Variants in MYH11 observed in about 807,000 individuals in gnomAD.
MYH11 encodes myosin-11.
MYH11 carries 80 observed loss-of-function variants against 246.6 expected under a neutral mutation model. That is an observed-to-expected ratio of 0.32 (90% CI 0.27 to 0.39). The LOEUF is 0.39. Ranked by LOEUF, MYH11 falls within the 10% of genes least tolerant of loss-of-function variation. The pLI, the probability that MYH11 is intolerant of heterozygous loss-of-function variation, is 1.00. For missense variants in MYH11, 2,158 were observed against 2,546.8 expected (o/e 0.85, Z 3.29); for synonymous variants, 1,071 against 1,015.5 (o/e 1.05, Z -1.04).
chr16:15,830,890 G>A (rs1265515612), intron 2 of MYH11, among the ~76,000 whole-genome samples: 1 of 151,782 alleles, frequency 6.6e-6, no homozygotes, highest in African/African-American at 2.4e-5. Context: ...AAAAGCAATA[G>A]GCTGGGCACA....
At chr16:15,816,119 G>C (rs2043256053) in intron 3 of MYH11, among the ~76,000 whole-genome samples, 1 of 152,180 alleles carries the variant, frequency 6.6e-6, no homozygotes, top group South Asian at 2.1e-4. Flanking sequence ...CAAAGTGCTT[G>C]ATTTAAGCAG....
chr16:15,745,650 C>G (rs568222751), intron 19 of MYH11, among the ~76,000 whole-genome samples: 1 of 138,402 alleles, frequency 7.2e-6, no homozygotes, highest in Non-Finnish European at 1.5e-5. Flanking sequence ...TGCGGTGGCA[C>G]GATCTCAGCT....
At position 15,809,772 on chromosome 16, in the gene MYH11, A is replaced by G. The variant is rs186416583; in HGVS notation, c.503-11085T>C. 1.8e-3 allele frequency among the ~76,000 whole-genome samples: 275 copies of G among 151,532 alleles called. 1 individual carries two copies. The highest frequency in any genetic ancestry group is 0.014 in the Middle Eastern group (4 of 294). On this transcript the variant is annotated intron_variant, in intron 3 of 40. Transcript: ENST00000300036. ...ACCTCATCTCTACAAAAAATACAAA[A>G]ATTAGCCAGTTGTACTGGTGCATGC...
chr16:15,718,516 CAG>C (rs1350958337), intron 36 of MYH11, 78 bp from the exon 37 acceptor site: 9 of 1,519,274 alleles, frequency 5.9e-6, no homozygotes, highest in Non-Finnish European at 7.0e-6. Flanking sequence ...AGTCATGCCT[CAG>C]GGGTATTGCC....
intron 3 of MYH11, among the ~76,000 whole-genome samples, chr16:15,800,546 G>C (rs921990580): frequency 1.3e-5 from 2 of 151,542 alleles, no homozygotes; most frequent in Non-Finnish European, 2.9e-5. Flanking sequence ...TGAGAGAGTG[G>C]ATGGGTGGGT....
intron 36 of MYH11, chr16:15,718,647 T>G: frequency 1.5e-6 from 1 of 683,268 alleles, no homozygotes; most frequent in Non-Finnish European, 2.4e-6. Context: ...AAAGCTGGGA[T>G]TGGGATGGGG....
chr16:15,785,007 G>GTTTTTTTTTTTTTT (rs1567759451), intron 5 of MYH11: 2 of 67,390 alleles, frequency 3.0e-5, no homozygotes, highest in Non-Finnish European at 4.9e-5. Context: ...TAATTCTCTT[G>GTTTTTTTTTTTTTT]ATTTTTTTTT....
chr16:15,824,578 G>A (rs2043510178), intron 2 of MYH11, among the ~76,000 whole-genome samples: 1 of 152,182 alleles, frequency 6.6e-6, no homozygotes, highest in Admixed American at 6.5e-5. Flanking sequence ...ACCGCACTCA[G>A]CCAGAGAGGG....
rs757290631 is a variant in MYH11, at chr16:15,756,320, C to T, written c.1749+21G>A. ...CTGGGGGTCCCCTGAGACAGAGTCC[C>T]CTGGGCCCTGTGGCTGGTACCTTCC... On this transcript the variant is annotated intron_variant, in intron 14 of 40. Transcript: ENST00000300036. The T allele has an allele frequency of 4.3e-6, 7 of 1,613,330 alleles. No homozygotes were observed. The South Asian group carries it at 6.6e-5, about 15-fold the overall frequency.
At chr16:15,851,079 A>G (rs1164293904) in intron 1 of MYH11, among the ~76,000 whole-genome samples, 1 of 152,112 alleles carries the variant, frequency 6.6e-6, no homozygotes, top group Non-Finnish European at 1.5e-5. Context: ...AAATAAACGA[A>G]TGAATGAATG....
intron 27 of MYH11, among the ~76,000 whole-genome samples, chr16:15,727,439 G>A (rs552546323): frequency 6.0e-4 from 91 of 152,124 alleles, no homozygotes; most frequent in African/African-American, 2.0e-3. Context: ...GACCTCAAGT[G>A]ATCCACCCAT....
At chr16:15,822,540 A>G (rs11863857) in intron 3 of MYH11, among the ~76,000 whole-genome samples, 36,015 of 151,828 alleles carry the variant, frequency 0.24, 4,369 homozygotes, top group Non-Finnish European at 0.25. Flanking sequence ...AACAAAAACA[A>G]AACAAAAAAA....
At chr16:15,762,396 G>C (rs1359070104) in intron 10 of MYH11, among the ~76,000 whole-genome samples, 2 of 152,166 alleles carry the variant, frequency 1.3e-5, no homozygotes, top group Non-Finnish European at 2.9e-5. Context: ...TATGGTTTAG[G>C]AGTCCTGTAA....
At chr16:15,811,680 C>G (rs2043140764) in intron 3 of MYH11, among the ~76,000 whole-genome samples, 1 of 151,962 alleles carries the variant, frequency 6.6e-6, no homozygotes, top group African/African-American at 2.4e-5. Flanking sequence ...GGCTGCCAAT[C>G]TCAAGCAGAA....
intron 1 of MYH11, among the ~76,000 whole-genome samples, chr16:15,852,710 G>A (rs60548993): frequency 0.048 from 7,270 of 152,052 alleles, 256 homozygotes; most frequent in East Asian, 0.17. Flanking sequence ...CTCAGCAAGC[G>A]CATTTCTGGG....
intron 40 of MYH11, chr16:15,713,684 G>C (rs191527489): frequency 6.6e-6 from 1 of 152,258 alleles, no homozygotes; most frequent in Non-Finnish European, 1.5e-5. Flanking sequence ...TTGTTGTAGA[G>C]ATGGGGTCTT....
chr16:15,838,300 G>C (rs780671655), intron 1 of MYH11, 31 bp from the exon 2 acceptor site: 3 of 1,584,642 alleles, frequency 1.9e-6, no homozygotes, highest in African/African-American at 1.3e-5. Flanking sequence ...GTCAGAATCA[G>C]ACCACAACCA....
At chr16:15,823,488 A>C (rs2151360025) in intron 2 of MYH11, 77 bp from the exon 3 acceptor site, 3,293 of 1,535,936 alleles carry the variant, frequency 2.1e-3, no homozygotes, top group Non-Finnish European at 2.7e-3. Context: ...CAATATTCTC[A>C]TGTTAGAGAT....
chr16:15,823,484 T>G, intron 2 of MYH11, 73 bp from the exon 3 acceptor site: 7 of 1,583,694 alleles, frequency 4.4e-6, no homozygotes, highest in Non-Finnish European at 4.3e-6. Context: ...CACTCAATAT[T>G]CTCATGTTAG....
Sources: allele counts gnomAD v4.1 joint callset (sites outside exome capture counted in the v4.1 genomes callset), GRCh38; gene constraint gnomAD v4.1.1; transcripts MANE v1.5; gene names NCBI Gene and HGNC (gene_info 2026-07-23, HGNC 2026-07-21).